The following ELN variants were observed in gnomAD, a reference collection of about 807,000 sequenced individuals.
ELN encodes the protein elastin, also known as tropoelastin.
Under a neutral mutation model 105.8 loss-of-function variants are expected in ELN, and 65 were observed. The ratio of observed to expected loss-of-function variants is 0.61; its 90% CI spans 0.50 to 0.75. The LOEUF (loss-of-function observed/expected upper bound fraction) is 0.75. Ranked by LOEUF, ELN falls within the 30% of genes least tolerant of loss-of-function variation. ELN has a pLI of 0.00. For synonymous variants in ELN, 368 were observed against 389.2 expected, an observed-to-expected ratio of 0.95 and a Z score of 0.64; for missense variants, 882 against 969.4, an observed-to-expected ratio of 0.91 and a Z score of 1.20.
intron 20 of ELN, 30 bp downstream of exon 20, chr7:74,056,465 G>A: frequency 6.2e-7 from 1 of 1,612,996 alleles, no homozygotes; most frequent in South Asian, 1.1e-5. Context: ...GGGGACATGG[G>A]TTGAGAAGGG....
At chr7:74,035,713 C>CAA in intron 2 of ELN, 1 of 464,446 alleles carries the variant, frequency 2.2e-6, no homozygotes, top group Non-Finnish European at 4.0e-6. Context: ...TCTACACACA[C>CAA]ACACACACAC....
Position 74,056,386 on chromosome 7 carries a change from T to G in ELN, c.1266T>G (p.Gly422=). ...GGIPGVAGVP[G]VGGVPGVGGV... is the part of the protein sequence containing the mutation. The stretch of plus-strand genomic sequence containing the variant: ...TCCCTGGAGTCGCAGGTGTCCCTGG[T>G]GTCGGAGGTGTTCCCGGAGTCGGAG... The change falls in exon 20 of 33, where the codon GGT becomes GGG. Residue 422 remains glycine, a synonymous_variant. Transcript: ENST00000252034. 6.2e-7 allele frequency: 1 copy of G among 1,613,642 alleles called. No homozygotes were observed.
At chr7:74,048,915 C>G (rs868918711) in intron 15 of ELN, among the ~76,000 whole-genome samples, 1 of 151,874 alleles carries the variant, frequency 6.6e-6, no homozygotes, top group African/African-American at 2.4e-5. Context: ...ATCCATCCAT[C>G]CATCCATTCC....
At chr7:74,043,730 G>A in intron 8 of ELN, 149 bp from the exon 9 acceptor site, 2 of 959,562 alleles carry the variant, frequency 2.1e-6, no homozygotes, top group Non-Finnish European at 1.6e-6. Context: ...GAGGAGGGTT[G>A]TGGCCACCCC....
rs1427441687 is a variant in ELN at position 74,056,843 on chromosome 7, C to T, written c.1357+130C>T. 9.8e-5 allele frequency: 116 copies of T among 1,183,440 alleles called. 1 individual carries two copies. In the South Asian group the frequency reaches 1.4e-3, roughly 15 times the overall value. The allele number at this position is 1,183,440 out of a possible 1,614,324, so 73.3% of individuals were successfully genotyped here. A position where few individuals can be genotyped will look rare whatever the true frequency, so the allele number is the denominator to read the frequency against. On this transcript the variant is annotated intron_variant, in intron 21 of 32. Transcript: ENST00000252034. ...TGGACCAAGGTCACGAGGCCCCTGC[C>T]CCATCTTCCAAAGCCACACTCCACT... is the stretch of plus-strand genomic sequence containing the variant.
At position 74,051,808 on chromosome 7, in the gene ELN, T is replaced by A. The variant is rs374756911; in HGVS notation, c.858T>A (p.Pro286=). ...GVGGAGVPGV[P]GAIPGIGGIA... is the part of the protein sequence containing the mutation. Reference sequence around the variant, plus strand: ...GAGGGGCTGGTGTTCCTGGCGTGCCTGGGGCAATTCCTGGAATTGGAGGCA... The same window carrying A: ...GAGGGGCTGGTGTTCCTGGCGTGCCAGGGGCAATTCCTGGAATTGGAGGCA... The change falls in exon 16 of 33, where the codon CCT becomes CCA. Residue 286 remains proline, a synonymous_variant. Coordinates refer to ENST00000252034, the MANE Select transcript of ELN (RefSeq NM_000501.4). 7 of 1,614,082 alleles carry A rather than the reference T, an allele frequency of 4.3e-6. No homozygotes were observed. The highest frequency in any genetic ancestry group is 5.9e-6 in the Non-Finnish European group (7 of 1,180,028).
intron 22 of ELN, among the ~76,000 whole-genome samples, chr7:74,058,783 C>T (rs2132224469): frequency 6.6e-6 from 1 of 152,294 alleles, no homozygotes; most frequent in East Asian, 1.9e-4. Flanking sequence ...GTATGTCAGG[C>T]CCTGGGCATG....
At chr7:74,048,644 G>A (rs1793140827) in intron 15 of ELN, 88 bp downstream of exon 15, 3 of 1,523,454 alleles carry the variant, frequency 2.0e-6, no homozygotes, top group Non-Finnish European at 2.7e-6. Context: ...CTCCAAAGTG[G>A]CCCCTACATA....
At chr7:74,062,008 G>A (rs1375022650) in intron 26 of ELN, among the ~76,000 whole-genome samples, 3 of 152,214 alleles carry the variant, frequency 2.0e-5, no homozygotes, top group African/African-American at 4.8e-5. Flanking sequence ...CAGCAGGACC[G>A]CTCCCACCAC....
chr7:74,037,957 A>C (rs2131276721), intron 4 of ELN: 1 of 617,922 alleles, frequency 1.6e-6, no homozygotes, highest in East Asian at 2.9e-5. Context: ...AAGCAGCTCC[A>C]TGTCCTCCCT....
chr7:74,052,871 AAGAGAGAGAG>A, intron 17 of ELN: 1 of 414,378 alleles, frequency 2.4e-6, no homozygotes, highest in Non-Finnish European at 4.4e-6. Context: ...GAAAGAAAGA[AAGAGAGAGAG>A]AGAGAGAGAA....
chr7:74,048,446 C>T, intron 14 of ELN, 57 bp from the exon 15 acceptor site: 1 of 1,612,732 alleles, frequency 6.2e-7, no homozygotes, highest in South Asian at 1.1e-5. Context: ...AACAAGTGGG[C>T]TCTGGAGATA....
At chr7:74,054,656 A>G in intron 18 of ELN, 60 bp from the exon 19 acceptor site, 1 of 1,553,882 alleles carries the variant, frequency 6.4e-7, no homozygotes, top group Non-Finnish European at 8.9e-7. Flanking sequence ...AGAGGGATAC[A>G]TACTACACAG....
chr7:74,054,159 T>C (rs1463598304), intron 18 of ELN, among the ~76,000 whole-genome samples: 3 of 151,908 alleles, frequency 2.0e-5, no homozygotes, highest in East Asian at 3.9e-4. Flanking sequence ...GGTGGGTGGA[T>C]TGATATCCAA....
chr7:74,060,331 G>A, intron 24 of ELN, 45 bp from the exon 25 acceptor site: 1 of 1,614,082 alleles, frequency 6.2e-7, no homozygotes, highest in Non-Finnish European at 8.5e-7. Context: ...CTCCTTAGGG[G>A]CATGCTCCCT....
intron 19 of ELN, among the ~76,000 whole-genome samples, 155 bp downstream of exon 19, chr7:74,054,924 TG>T (rs1794914985): frequency 6.6e-6 from 1 of 152,236 alleles, no homozygotes; most frequent in South Asian, 2.1e-4. Flanking sequence ...CTCCCCCATT[TG>T]TCTCCCACCA....
Position 74,068,770 on chromosome 7 carries a change from T to C in ELN, c.*70T>C, listed in dbSNP as rs1798541984. The C allele has an allele frequency of 2.5e-6, 4 of 1,585,512 alleles. No homozygotes were observed. The Admixed American group carries it at 6.7e-5, about 26-fold the overall frequency. ...ACTGCTTGGTGGAGAATGTAAACCCTTTGTAACCCCATCCCATGCCCCTCC... is the reference window on the plus strand; with the variant it reads ...ACTGCTTGGTGGAGAATGTAAACCCCTTGTAACCCCATCCCATGCCCCTCC... On this transcript the variant is annotated 3_prime_UTR_variant, in exon 33 of 33. Coordinates refer to ENST00000252034, the MANE Select transcript of ELN (RefSeq NM_000501.4).
In ELN at chr7:74,043,162, G is replaced by C. The variant is rs1254199480; in HGVS notation, c.421G>C (p.Val141Leu). 6.2e-7 allele frequency: 1 copy of C among 1,600,298 alleles called. No homozygotes were observed. Among genetic ancestry groups the C allele is most frequent in the African/African-American group, 1.3e-5 (1 of 74,700 alleles). Residue 141 changes from valine to leucine, a missense_variant, in exon 8 of 33, where the codon GTG becomes CTG. Physicochemically the swap from Val to Leu is conservative, Grantham distance 32. Coordinates refer to ENST00000252034, the MANE Select transcript of ELN (RefSeq NM_000501.4). Reference sequence around the variant, plus strand: ...TGGAGCCGGAGTGAAGCCTGGGAAAGTGCCGGGTCAGTGCGGAATCCCTGG... The same window carrying C: ...TGGAGCCGGAGTGAAGCCTGGGAAACTGCCGGGTCAGTGCGGAATCCCTGG... ...QPGAGVKPGK[V>L]PGVGLPGVYP... is the part of the protein sequence containing the mutation.
intron 32 of ELN, among the ~76,000 whole-genome samples, chr7:74,067,482 G>A (rs1157537193): frequency 6.6e-6 from 1 of 151,650 alleles, no homozygotes. Context: ...TGGCCAGGCT[G>A]GTCTCGAACT....
Sources: allele counts gnomAD v4.1 joint callset (sites outside exome capture counted in the v4.1 genomes callset), GRCh38; gene constraint gnomAD v4.1.1; transcripts MANE v1.5; gene names NCBI Gene and HGNC (gene_info 2026-07-23, HGNC 2026-07-21).